The following TTC19 variants were observed in gnomAD, a reference collection of about 807,000 sequenced individuals.
TTC19 encodes the protein tetratricopeptide repeat protein 19, mitochondrial.
A neutral mutation model predicts 49.5 loss-of-function variants in TTC19; 38 were observed. The observed-to-expected ratio is 0.77, with a 90% CI of 0.59 to 1.01. The LOEUF (loss-of-function observed/expected upper bound fraction) is 1.01, where lower values mean the gene tolerates loss of function less well. TTC19 is among the 50% of genes least tolerant of loss of function. TTC19 has a pLI of 0.00. For synonymous variants in TTC19, 204 were observed against 185.2 expected (o/e 1.10, Z -0.83); for missense variants, 475 against 477.7 (o/e 0.99, Z 0.05).
chr17:16,026,154 TA>T (rs1971549712), intron 8 of TTC19, among the ~76,000 whole-genome samples: 1 of 52,734 alleles, frequency 1.9e-5, no homozygotes, highest in Non-Finnish European at 6.8e-5. Context: ...AACAACATAA[TA>T]CAGTGGGGCT....
At chr17:16,025,715 G>A (rs531408439) in intron 8 of TTC19, among the ~76,000 whole-genome samples, 5 of 152,282 alleles carry the variant, frequency 3.3e-5, no homozygotes, top group South Asian at 2.1e-4. Flanking sequence ...CCCTCCATCC[G>A]AGTAAGTTCT....
Position 16,025,063 on chromosome 17 carries a change from C to T in TTC19, c.723C>T (p.Asp241=), listed in dbSNP as rs149658292. Residue 241 remains aspartate (D), a synonymous_variant, in exon 8 of 10, where the codon GAC becomes GAT. Transcript: ENST00000261647. ...ACCTCCTCTTGGGCATGTGCTTAGA[C>T]GCCTGTGCTCGCTACCTTCTGTTCT... ...NTHLLLGMCL[D]ACARYLLFSK... 68 of 1,613,936 alleles carry T rather than the reference C, an allele frequency of 4.2e-5. No homozygotes were observed. The African/African-American group carries it at 6.5e-4, about 15-fold the overall frequency.
rs1030339542 is a variant in TTC19, at chr17:16,026,601, C to T, written c.893C>T (p.Ala298Val). The T allele has an allele frequency of 1.2e-6, 2 of 1,614,034 alleles. No individual in the cohort carries two copies. Among genetic ancestry groups the T allele is most frequent in the African/African-American group, 1.3e-5 (1 of 75,006 alleles). Reference protein sequence around the residue: ...TLDAQGRFDEAYIYMQRASDL... With the variant: ...TLDAQGRFDEVYIYMQRASDL... ...GATGCACAGGGCCGCTTTGATGAGG[C>T]CTATATTTATATGCAAAGGGCATCA... Residue 298 changes from alanine (A) to valine (V), a missense_variant, in exon 9 of 10, where the codon GCC becomes GTC. Physicochemically the swap from Ala to Val is moderately conservative, Grantham distance 64. Transcript: ENST00000261647.
chr17:16,021,548 T>C (rs1971385465), intron 7 of TTC19, among the ~76,000 whole-genome samples: 1 of 152,170 alleles, frequency 6.6e-6, no homozygotes, highest in Non-Finnish European at 1.5e-5. Flanking sequence ...TGGGGCAGTA[T>C]GGTGTCTTAT....
At position 16,003,738 on chromosome 17, in the gene TTC19, G is replaced by A; in HGVS notation, c.463-93G>A. ...TGGGTATATGGGTTTTACAAGGAAT[G>A]TTGCATCAGACTGGCACTTAGAATC... On this transcript the variant is annotated intron_variant, in intron 4 of 9. Coordinates refer to ENST00000261647, the MANE Select transcript of TTC19 (RefSeq NM_017775.4). 34 of 1,147,186 alleles carry A rather than the reference G, an allele frequency of 3.0e-5. No individual in the cohort carries two copies. The South Asian group carries it at 3.8e-4, about 13-fold the overall frequency. The allele number at this position is 1,147,186 out of a possible 1,614,324, so 71.1% of individuals were successfully genotyped here.
chr17:16,041,557 G>GCC (rs377594813), intron 2 of TTC19, among the ~76,000 whole-genome samples: 10 of 150,892 alleles, frequency 6.6e-5, no homozygotes, highest in African/African-American at 2.4e-4. Flanking sequence ...GGGATTATAG[G>GCC]CCCCCCGCCA....
At chr17:16,004,323 A>G in intron 6 of TTC19, 61 bp downstream of exon 6, 1 of 1,480,928 alleles carries the variant, frequency 6.8e-7, no homozygotes, top group East Asian at 2.3e-5. Context: ...GGGATGTTAC[A>G]TAATATTCAT....
intron 2 of TTC19, chr17:16,039,534 A>T (rs2057149208): frequency 6.2e-7 from 1 of 1,614,046 alleles, no homozygotes; most frequent in African/African-American, 1.3e-5. Flanking sequence ...CTGGGACATG[A>T]CAACTCCATG....
chr17:16,039,913 C>T (rs567883846), intron 2 of TTC19: 1 of 432,134 alleles, frequency 2.3e-6, no homozygotes, highest in African/African-American at 2.0e-5. Flanking sequence ...ACCTCAGTCT[C>T]CCAAGTAGCT....
chr17:16,009,098 A>G (rs1416615502), intron 7 of TTC19, among the ~76,000 whole-genome samples: 4 of 152,182 alleles, frequency 2.6e-5, no homozygotes, highest in Non-Finnish European at 5.9e-5. Flanking sequence ...GAATGAAAGA[A>G]CAAAAGACCC....
chr17:16,042,701 G>A (rs1213615914), intron 2 of TTC19, among the ~76,000 whole-genome samples: 1 of 152,216 alleles, frequency 6.6e-6, no homozygotes, highest in African/African-American at 2.4e-5. Flanking sequence ...CCATCAGGAG[G>A]CAGAGAGACC....
chr17:16,003,782 T>A, intron 4 of TTC19, 49 bp from the exon 5 acceptor site: 1 of 1,500,378 alleles, frequency 6.7e-7, no homozygotes, highest in Non-Finnish European at 9.2e-7. Flanking sequence ...TATATATATA[T>A]ATAAAATGGG....
intron 9 of TTC19, 133 bp downstream of exon 9, chr17:16,026,835 G>A: frequency 2.1e-6 from 2 of 941,486 alleles, no homozygotes; most frequent in Non-Finnish European, 3.4e-6. Flanking sequence ...TGGTTGAATG[G>A]CAGAAAAAGG....
intron 2 of TTC19, 62 bp from the exon 3 acceptor site, chr17:16,001,853 G>A: frequency 8.8e-7 from 1 of 1,131,962 alleles, no homozygotes; most frequent in Non-Finnish European, 1.3e-6. Context: ...ATACACTTCT[G>A]TCTCTTAGCA....
intron 2 of TTC19, among the ~76,000 whole-genome samples, chr17:16,035,607 C>T (rs1212603080): frequency 1.3e-5 from 2 of 150,074 alleles, no homozygotes; most frequent in East Asian, 2.0e-4. Context: ...ACAATCACGG[C>T]TTACCAGCTC....
At chr17:16,026,847 G>A (rs572225658) in intron 9 of TTC19, 145 bp downstream of exon 9, 17 of 877,560 alleles carry the variant, frequency 1.9e-5, no homozygotes, top group Admixed American at 1.4e-4. Flanking sequence ...AGAAAAAGGA[G>A]GTATTGATTA....
intron 7 of TTC19, among the ~76,000 whole-genome samples, chr17:16,021,542 G>C (rs1475451049): frequency 6.6e-6 from 1 of 152,180 alleles, no homozygotes; most frequent in African/African-American, 2.4e-5. Flanking sequence ...ATATGTTGGG[G>C]CAGTATGGTG....
chr17:16,000,299 G>T, intron 2 of TTC19, 54 bp downstream of exon 2: 1 of 1,586,146 alleles, frequency 6.3e-7, no homozygotes, highest in Non-Finnish European at 8.5e-7. Flanking sequence ...TTTGTGAGCG[G>T]GGTCTTGGCG....
intron 7 of TTC19, among the ~76,000 whole-genome samples, chr17:16,015,363 C>T (rs1200110096): frequency 4.7e-5 from 7 of 149,512 alleles, no homozygotes; most frequent in Admixed American, 3.9e-4. Context: ...AATAAATGAA[C>T]GTATGGGTGA....
Sources: gnomAD v4.1 joint callset for allele counts (sites outside exome capture counted in the v4.1 genomes callset) on GRCh38, gnomAD v4.1.1 for gene constraint, MANE v1.5 for transcripts, NCBI Gene and HGNC (gene_info 2026-07-23, HGNC 2026-07-21) for gene names.